LAMA1: variants seen among roughly 807,000 people sequenced by gnomAD.
LAMA1 encodes laminin subunit alpha-1.
In LAMA1, 219 loss-of-function variants were observed where a neutral mutation model predicts 348.7. That is an observed-to-expected ratio of 0.63 (90% CI 0.56 to 0.70). The LOEUF is 0.70. Among genes scored for constraint, LAMA1 ranks in the 30% least tolerant of loss-of-function variants. LAMA1 has a pLI of 0.00. For missense variants in LAMA1, 3,744 were observed against 3,888.0 expected, an observed-to-expected ratio of 0.96 and a Z score of 0.99; for synonymous variants, 1,487 against 1,491.0, an observed-to-expected ratio of 1.00 and a Z score of 0.06.
chr18:6,966,857 A>G (rs958751214), intron 48 of LAMA1, among the ~76,000 whole-genome samples: 4 of 152,322 alleles, frequency 2.6e-5, no homozygotes, highest in African/African-American at 9.6e-5. Flanking sequence ...TGAAACAGGG[A>G]TATAATACGG....
intron 57 of LAMA1, among the ~76,000 whole-genome samples, chr18:6,951,495 C>G (rs2057546483): frequency 6.6e-6 from 1 of 152,166 alleles, no homozygotes; most frequent in South Asian, 2.1e-4. Flanking sequence ...ACTGGACCAC[C>G]CAGGGACAGC....
Position 6,956,672 on chromosome 18 carries a change from C to T in LAMA1, c.8058G>A (p.Glu2686=). 2 of 1,614,192 alleles carry T rather than the reference C, an allele frequency of 1.2e-6. No homozygotes were observed. Among genetic ancestry groups the T allele is most frequent in the African/African-American group, 2.7e-5 (2 of 75,050 alleles). ...SERPKLAPDA[E]DSKLLPEPRA... The stretch of plus-strand genomic sequence containing the variant: ...GGGGCTCTGGCAAGAGCTTGCTGTC[C>T]TCTGCATCGGGAGCCAGCTTAGGCC... The change falls in exon 56 of 63, where the codon GAG becomes GAA. Residue 2686 remains glutamate (E), a synonymous_variant. Coordinates refer to ENST00000389658, the MANE Select transcript of LAMA1 (RefSeq NM_005559.4).
rs553089774 is a variant in LAMA1, at chr18:7,070,768, C to T, written c.345+9207G>A. Among the ~76,000 whole-genome samples the T allele has an allele frequency of 3.9e-5, 6 of 152,210 alleles. No individual in the cohort carries two copies. In the East Asian group the frequency reaches 1.2e-3, roughly 29 times the overall value. ...TAGGGAACTTCCCTTTTTTACAAAA[C>T]AGATCTTATCTTCTAAAAGACTATT... On this transcript the variant is annotated intron_variant, in intron 3 of 62. Coordinates refer to ENST00000389658, the MANE Select transcript of LAMA1 (RefSeq NM_005559.4).
At chr18:6,956,181 G>A in intron 56 of LAMA1, 1 of 344,264 alleles carries the variant, frequency 2.9e-6, no homozygotes, top group Non-Finnish European at 5.6e-6. Context: ...AACAGAGAAA[G>A]CAAAAGGGGA....
At chr18:7,046,139 T>A in intron 6 of LAMA1, 139 bp downstream of exon 6, 1 of 611,682 alleles carries the variant, frequency 1.6e-6, no homozygotes, top group Admixed American at 3.0e-5. Flanking sequence ...TGACACAAGT[T>A]AAATTTCTGA....
chr18:7,066,637 T>C (rs1568053434), intron 3 of LAMA1, among the ~76,000 whole-genome samples: 1 of 152,296 alleles, frequency 6.6e-6, no homozygotes, highest in East Asian at 1.9e-4. Context: ...CTCCCAAAGA[T>C]ATGTCCAGTA....
At chr18:6,992,525 A>G in intron 36 of LAMA1, 36 bp downstream of exon 36, 5 of 1,609,836 alleles carry the variant, frequency 3.1e-6, no homozygotes, top group Non-Finnish European at 4.3e-6. Context: ...TTCTCTCTCT[A>G]CTTGGTTGCA....
intron 19 of LAMA1, among the ~76,000 whole-genome samples, chr18:7,017,633 C>T (rs762575911): frequency 1.3e-4 from 20 of 152,120 alleles, no homozygotes; most frequent in South Asian, 2.1e-4. Context: ...TTAGCGAATT[C>T]GCTTCACCAA....
chr18:6,985,318 G>T lies in LAMA1; in HGVS notation c.5579C>A (p.Ser1860Tyr). 1.2e-6 allele frequency: 2 copies of T among 1,614,214 alleles called. No homozygotes were observed. Among genetic ancestry groups the T allele is most frequent in the Non-Finnish European group, 1.7e-6 (2 of 1,180,048 alleles). ...HHIDDLVMHM[S>Y]QRNAVDLVYR... ...GACCAGGTCGACTGCGTTCCTTTGG[G>T]ACATGTGCATGACCAGGTCATCTAT... The change falls in exon 39 of 63, where the codon TCC becomes TAC. Residue 1860 changes from serine (S) to tyrosine (Y), a missense_variant. Physicochemically the swap from Ser to Tyr is moderately radical, Grantham distance 144. Around this residue, in one of 3 missense-constraint regions of LAMA1, gnomAD observed 1,983 missense variants for 1,934.3 expected, o/e 1.03. Transcript: ENST00000389658.
rs2057863022 is a variant in LAMA1, at chr18:7,012,058, G to A, written c.3444C>T (p.Ser1148=). Residue 1148 remains serine, a synonymous_variant, in exon 24 of 63, where the codon AGC becomes AGT. Coordinates refer to ENST00000389658, the MANE Select transcript of LAMA1 (RefSeq NM_005559.4). ...GGGACAGCCCGGAGCAGAAGCACGG[G>A]CTGCAGCCCAGGGGGTTGTCTGCGC... The part of the protein sequence containing the change: ...ALRADNPLGC[S]PCFCSGLSHL... The A allele has an allele frequency of 6.2e-7, 1 of 1,612,372 alleles. No individual in the cohort carries two copies. Among genetic ancestry groups the A allele is most frequent in the Non-Finnish European group, 8.5e-7 (1 of 1,179,256 alleles).
chr18:7,049,683 C>A lies in LAMA1; in HGVS notation c.589-426G>T, dbSNP rs576450691. ...ATCTTTTAGAGATACCATCTAAAAT[C>A]AAAACAAAACAACTAGCTTCTTGTA... On this transcript the variant is annotated intron_variant, in intron 4 of 62. Transcript: ENST00000389658. 4.4e-3 allele frequency among the ~76,000 whole-genome samples: 667 copies of A among 152,268 alleles called. 3 individuals carry two copies. Among genetic ancestry groups the A allele is most frequent in the Non-Finnish European group, 8.2e-3 (560 of 68,012 alleles).
At chr18:7,049,633 C>T (rs972073104) in intron 4 of LAMA1, among the ~76,000 whole-genome samples, 1 of 152,116 alleles carries the variant, frequency 6.6e-6, no homozygotes, top group Admixed American at 6.5e-5. Context: ...AAAATATAGC[C>T]CTGATTGTCT....
intron 19 of LAMA1, among the ~76,000 whole-genome samples, chr18:7,018,635 T>TC (rs1208096224): frequency 1.3e-5 from 2 of 152,118 alleles, no homozygotes; most frequent in Non-Finnish European, 2.9e-5. Flanking sequence ...GACCTTGTGA[T>TC]CTGCCCGCCT....
chr18:6,994,989 T>C (rs2057774794), intron 34 of LAMA1, among the ~76,000 whole-genome samples: 1 of 152,164 alleles, frequency 6.6e-6, no homozygotes, highest in African/African-American at 2.4e-5. Context: ...GTTCAGTCCG[T>C]GCTTTTGGGC....
intron 1 of LAMA1, among the ~76,000 whole-genome samples, chr18:7,086,758 T>C (rs2058219195): frequency 6.6e-6 from 1 of 152,214 alleles, no homozygotes; most frequent in Admixed American, 6.5e-5. Context: ...ACCGAGCACC[T>C]AAAATCTAGA....
chr18:7,040,030 AGAAGCTCAAAG>A, intron 10 of LAMA1, 35 bp downstream of exon 10: 1 of 1,607,988 alleles, frequency 6.2e-7, no homozygotes, highest in Non-Finnish European at 8.5e-7. Flanking sequence ...CCTTTTCCAG[AGAAGCTCAAAG>A]GAAGCTCAGG....
At chr18:7,037,853 A>G in intron 11 of LAMA1, 102 bp from the exon 12 acceptor site, 1 of 1,200,472 alleles carries the variant, frequency 8.3e-7, no homozygotes, top group Non-Finnish European at 1.2e-6. Flanking sequence ...TGGGCCAGAA[A>G]GCTTCTCTAG....
intron 53 of LAMA1, 142 bp downstream of exon 53, chr18:6,961,444 A>G: frequency 3.3e-6 from 3 of 908,684 alleles, no homozygotes; most frequent in Non-Finnish European, 5.1e-6. Flanking sequence ...CAGCAACAAT[A>G]ACTTTTACTT....
chr18:7,012,852 C>G (rs111514187), intron 23 of LAMA1, among the ~76,000 whole-genome samples: 107 of 151,408 alleles, frequency 7.1e-4, no homozygotes, highest in African/African-American at 2.3e-3. Context: ...TCTATCATCA[C>G]AGCTGTTATC....
Sources: gnomAD v4.1 joint callset for allele counts (sites outside exome capture counted in the v4.1 genomes callset) on GRCh38, gnomAD v4.1.1 for gene constraint, gnomAD v4.1.1 regional missense constraint, MANE v1.5 for transcripts, NCBI Gene and HGNC (gene_info 2026-07-23, HGNC 2026-07-21) for gene names.